The following SPATA17 variants were observed in gnomAD, a reference collection of about 807,000 sequenced individuals.
The protein encoded by SPATA17 is spermatogenesis-associated protein 17.
A neutral mutation model predicts 62.2 loss-of-function variants in SPATA17; 53 were observed. That is an observed-to-expected ratio of 0.85 (90% CI 0.68 to 1.07). SPATA17 has a LOEUF of 1.07. SPATA17 is among the 50% of genes least tolerant of loss of function. The pLI is 0.00. For missense variants in SPATA17, 466 were observed against 425.5 expected, an observed-to-expected ratio of 1.10 and a Z score of -0.84; for synonymous variants, 146 against 146.8, an observed-to-expected ratio of 0.99 and a Z score of 0.04.
intron 5 of SPATA17, among the ~76,000 whole-genome samples, chr1:217,740,608 ATT>A (rs1031093472): frequency 1.6e-4 from 24 of 152,114 alleles, no homozygotes; most frequent in African/African-American, 5.8e-4. Flanking sequence ...ATGGAAACAA[ATT>A]TGTTTGGCTT....
At chr1:217,777,940 G>T (rs1673633340) in intron 7 of SPATA17, among the ~76,000 whole-genome samples, 2 of 151,982 alleles carry the variant, frequency 1.3e-5, no homozygotes, top group African/African-American at 4.8e-5. Flanking sequence ...AGTTTTAAAT[G>T]TAAATATAAA....
intron 6 of SPATA17, among the ~76,000 whole-genome samples, chr1:217,752,498 C>G (rs1267271269): frequency 6.6e-6 from 1 of 152,062 alleles, no homozygotes; most frequent in East Asian, 1.9e-4. Flanking sequence ...TCTTTGATTG[C>G]TTCTTTTTTG....
intron 1 of SPATA17, among the ~76,000 whole-genome samples, chr1:217,633,420 A>G (rs1669865696): frequency 1.3e-5 from 2 of 152,116 alleles, no homozygotes; most frequent in African/African-American, 4.8e-5. Flanking sequence ...CTATAGAACA[A>G]TGTTCTAGAA....
At chr1:217,791,215 G>A (rs528074853) in intron 8 of SPATA17, among the ~76,000 whole-genome samples, 2 of 152,164 alleles carry the variant, frequency 1.3e-5, no homozygotes, top group African/African-American at 2.4e-5. Flanking sequence ...GGTAGTTACT[G>A]TGCAAATCGT....
At chr1:217,856,613 G>T (rs777205422) in intron 9 of SPATA17, among the ~76,000 whole-genome samples, 20 of 152,172 alleles carry the variant, frequency 1.3e-4, no homozygotes, top group Non-Finnish European at 2.2e-4. Context: ...TTTTCTCTGG[G>T]AACATGTACA....
intron 5 of SPATA17, among the ~76,000 whole-genome samples, chr1:217,684,644 G>A (rs1571729578): frequency 6.6e-6 from 1 of 152,102 alleles, no homozygotes; most frequent in South Asian, 2.1e-4. Flanking sequence ...TTGAACTCCT[G>A]ACCTCAGGTG....
chr1:217,730,533 G>A lies in SPATA17; in HGVS notation c.396-11442G>A, dbSNP rs186083678. ...ACCACGCCCAGCCAAGTTTTTGTTT[G>A]TTTGTTTGTTTTCAAATACAAAAAA... On this transcript the variant is annotated intron_variant, in intron 5 of 10. Coordinates refer to ENST00000366933, the MANE Select transcript of SPATA17 (RefSeq NM_138796.4). Among the ~76,000 whole-genome samples the A allele has an allele frequency of 1.4e-3, 218 of 151,834 alleles. 1 individual carries two copies. Among genetic ancestry groups the A allele is most frequent in the African/African-American group, 4.9e-3 (202 of 41,412 alleles).
intron 5 of SPATA17, among the ~76,000 whole-genome samples, chr1:217,738,359 G>A (rs1337756946): frequency 1.3e-5 from 2 of 152,122 alleles, no homozygotes; most frequent in African/African-American, 4.8e-5. Flanking sequence ...GAGAAAGGAG[G>A]AGACCACCAA....
At chr1:217,703,721 C>A (rs577604503) in intron 5 of SPATA17, among the ~76,000 whole-genome samples, 1 of 152,276 alleles carries the variant, frequency 6.6e-6, no homozygotes, top group Non-Finnish European at 1.5e-5. Flanking sequence ...CTCAGCCATA[C>A]TGCTATTGAC....
intron 4 of SPATA17, among the ~76,000 whole-genome samples, chr1:217,671,267 A>G (rs913396999): frequency 1.3e-5 from 2 of 152,162 alleles, no homozygotes; most frequent in African/African-American, 4.8e-5. Context: ...ATTGGCCTGC[A>G]TGTAGCATCT....
chr1:217,734,102 A>G (rs564764258), intron 5 of SPATA17, among the ~76,000 whole-genome samples: 88 of 152,302 alleles, frequency 5.8e-4, no homozygotes, highest in Middle Eastern at 3.4e-3. Context: ...AATCTATTCC[A>G]TGGTTTTATC....
intron 5 of SPATA17, among the ~76,000 whole-genome samples, chr1:217,718,045 G>A (rs543200881): frequency 5.9e-5 from 9 of 152,316 alleles, no homozygotes; most frequent in African/African-American, 1.7e-4. Flanking sequence ...GTGAGTCCAA[G>A]ACAAAGATCA....
chr1:217,788,706 T>C (rs886460067), intron 8 of SPATA17, among the ~76,000 whole-genome samples: 6 of 152,074 alleles, frequency 3.9e-5, no homozygotes, highest in Non-Finnish European at 1.5e-5. Flanking sequence ...GGCGAGGAAA[T>C]TGATTCTCTT....
At chr1:217,819,692 G>A (rs901082560) in intron 9 of SPATA17, among the ~76,000 whole-genome samples, 1 of 151,972 alleles carries the variant, frequency 6.6e-6, no homozygotes, top group South Asian at 2.1e-4. Flanking sequence ...AGAATTTGAT[G>A]CTTCTTTCTT....
intron 4 of SPATA17, among the ~76,000 whole-genome samples, chr1:217,670,505 T>G (rs1018309138): frequency 6.6e-6 from 1 of 152,242 alleles, no homozygotes; most frequent in African/African-American, 2.4e-5. Flanking sequence ...ACAAGTCCCT[T>G]GGAAGGCAGT....
chr1:217,658,816 C>T (rs1309935838), intron 3 of SPATA17, among the ~76,000 whole-genome samples: 1 of 151,996 alleles, frequency 6.6e-6, no homozygotes, highest in Admixed American at 6.6e-5. Context: ...TCTCAGTATT[C>T]CCTTATAGTA....
intron 1 of SPATA17, among the ~76,000 whole-genome samples, chr1:217,639,343 G>A (rs2102875902): frequency 6.6e-6 from 1 of 152,156 alleles, no homozygotes; most frequent in East Asian, 1.9e-4. Flanking sequence ...GATTCATTTG[G>A]GGATTGGGAT....
In SPATA17 at chr1:217,782,167, T is replaced by C. The variant is rs915745694; in HGVS notation, c.724-7T>C. 3.2e-6 allele frequency: 5 copies of C among 1,579,394 alleles called. No individual in the cohort carries two copies. The highest frequency in any genetic ancestry group is 1.4e-5 in the African/African-American group (1 of 73,226). ...TATAAAATATGTTCCTCATCCTGTC[T>C]TGTCAGGGGCCCTTCCGAGATATCA... On this transcript the variant is annotated splice_polypyrimidine_tract_variant and splice_region_variant and intron_variant, in intron 7 of 10. Coordinates refer to ENST00000366933, the MANE Select transcript of SPATA17 (RefSeq NM_138796.4).
chr1:217,668,004 C>G (rs569526516), intron 3 of SPATA17, among the ~76,000 whole-genome samples: 1 of 152,340 alleles, frequency 6.6e-6, no homozygotes, highest in African/African-American at 2.4e-5. Context: ...TCAAACAACA[C>G]TAATTACAGT....
Sources: allele counts gnomAD v4.1 joint callset (sites outside exome capture counted in the v4.1 genomes callset), GRCh38; gene constraint gnomAD v4.1.1; transcripts MANE v1.5; gene names NCBI Gene and HGNC (gene_info 2026-07-23, HGNC 2026-07-21).